Variants in LOC400499 observed in about 807,000 individuals in gnomAD.
chr16:11,519,759 G>A, the LOC400499 span, among the ~76,000 whole-genome samples: 4 of 150,262 alleles, frequency 2.7e-5, no homozygotes, highest in Non-Finnish European at 4.4e-5. Flanking sequence ...AGGCTGGAGT[G>A]CAATGGCGCG....
At chr16:11,387,638 A>ATTTTTTTTTG in the LOC400499 span, among the ~76,000 whole-genome samples, 1 of 151,380 alleles carries the variant, frequency 6.6e-6, no homozygotes, top group African/African-American at 2.4e-5. Flanking sequence ...GGTCTAGGAA[A>ATTTTTTTTTG]TTTTGTTTTT....
the LOC400499 span, among the ~76,000 whole-genome samples, chr16:11,463,401 T>A: frequency 2.0e-5 from 3 of 149,720 alleles, no homozygotes; most frequent in African/African-American, 7.3e-5. Flanking sequence ...TATGAATGTG[T>A]GTGGATGTGT....
chr16:11,513,772 G>C, the LOC400499 span, among the ~76,000 whole-genome samples: 1 of 151,970 alleles, frequency 6.6e-6, no homozygotes, highest in African/African-American at 2.4e-5. Flanking sequence ...CTTCCTAATG[G>C]GGTTTTGATG....
the LOC400499 span, among the ~76,000 whole-genome samples, chr16:11,511,131 G>C: frequency 6.8e-6 from 1 of 146,160 alleles, no homozygotes; most frequent in Admixed American, 6.7e-5. Flanking sequence ...CAAGCAGCTG[G>C]AATTACAGAC....
the LOC400499 span, among the ~76,000 whole-genome samples, chr16:11,386,907 C>T: frequency 6.6e-6 from 1 of 152,222 alleles, no homozygotes; most frequent in South Asian, 2.1e-4. Flanking sequence ...CTAAACCACC[C>T]TCCTCACCCC....
At chr16:11,506,027 ATTTAT>A in the LOC400499 span, among the ~76,000 whole-genome samples, 27 of 151,802 alleles carry the variant, frequency 1.8e-4, no homozygotes, top group Non-Finnish European at 2.9e-4. Context: ...AAACAACTTT[ATTTAT>A]TTTATTTTAT....
chr16:11,392,997 G>C, the LOC400499 span, among the ~76,000 whole-genome samples: 6 of 152,134 alleles, frequency 3.9e-5, no homozygotes, highest in African/African-American at 7.2e-5. Flanking sequence ...GGGAACTACA[G>C]GCACCCGCTA....
chr16:11,418,720 A>T, the LOC400499 span, among the ~76,000 whole-genome samples: 1 of 152,210 alleles, frequency 6.6e-6, no homozygotes, highest in Non-Finnish European at 1.5e-5. Flanking sequence ...TGCTTTCACA[A>T]CACAATAGCA....
chr16:11,473,790 C>T, the LOC400499 span, among the ~76,000 whole-genome samples: 155 of 151,626 alleles, frequency 1.0e-3, no homozygotes, highest in African/African-American at 3.6e-3. Context: ...ATGTCAATAA[C>T]TTACCAACCC....
chr16:11,402,741 GA>G, the LOC400499 span, among the ~76,000 whole-genome samples: 1 of 152,202 alleles, frequency 6.6e-6, no homozygotes, highest in Non-Finnish European at 1.5e-5. Context: ...AGGAAGACCA[GA>G]AAAGCTGCCC....
the LOC400499 span, among the ~76,000 whole-genome samples, chr16:11,403,602 G>A: frequency 6.6e-6 from 1 of 152,206 alleles, no homozygotes; most frequent in Non-Finnish European, 1.5e-5. Context: ...GATTCCATCA[G>A]GCCACCTGGT....
the LOC400499 span, among the ~76,000 whole-genome samples, chr16:11,389,114 C>T: frequency 1.3e-5 from 2 of 152,076 alleles, no homozygotes; most frequent in Non-Finnish European, 2.9e-5. Context: ...AGGCACATCC[C>T]TCTCCCAGGC....
At chr16:11,448,035 A>T in the LOC400499 span, 16 of 1,536,014 alleles carry the variant, frequency 1.0e-5, no homozygotes, top group Non-Finnish European at 1.4e-5. Context: ...CCTGGGCACC[A>T]ATCCGCACAG....
At chr16:11,491,675 C>T in the LOC400499 span, 2 of 395,098 alleles carry the variant, frequency 5.1e-6, no homozygotes, top group Non-Finnish European at 8.9e-6. Flanking sequence ...GCCCACACCC[C>T]TCCCACACAC....
At chr16:11,488,270 G>A in the LOC400499 span, among the ~76,000 whole-genome samples, 4 of 152,106 alleles carry the variant, frequency 2.6e-5, no homozygotes, top group East Asian at 1.9e-4. Flanking sequence ...GGTACAAACA[G>A]CCAATTTAGA....
chr16:11,451,258 A>G, the LOC400499 span, among the ~76,000 whole-genome samples: 5 of 152,248 alleles, frequency 3.3e-5, no homozygotes, highest in African/African-American at 7.2e-5. Context: ...CATTCATCCA[A>G]CTCTTCTGAA....
the LOC400499 span, among the ~76,000 whole-genome samples, chr16:11,434,229 T>C: frequency 5.9e-5 from 9 of 152,168 alleles, no homozygotes; most frequent in Non-Finnish European, 1.3e-4. Flanking sequence ...TATAATACTC[T>C]ATAAGTAATA....
chr16:11,387,178 C>T, the LOC400499 span: 1 of 1,232,272 alleles, frequency 8.1e-7, no homozygotes, highest in Non-Finnish European at 1.0e-6. Context: ...TGGCCCCAGA[C>T]AGCTCTCGGA....
chr16:11,462,360 T>G, the LOC400499 span: 2 of 1,411,276 alleles, frequency 1.4e-6, no homozygotes, highest in Non-Finnish European at 1.8e-6. Context: ...GCCCAGCCCT[T>G]ACCACACGAA....
Sources: gnomAD v4.1 joint callset for allele counts (sites outside exome capture counted in the v4.1 genomes callset) on GRCh38, gnomAD v4.1.1 for gene constraint, MANE v1.5 for transcripts.